The following FBXW4 variants were observed in gnomAD, a reference collection of about 807,000 sequenced individuals.
The protein encoded by FBXW4 is F-box and WD repeat domain containing 4.
FBXW4 carries 40 observed loss-of-function variants against 61.8 expected under a neutral mutation model. The ratio of observed to expected loss-of-function variants is 0.65; its 90% CI spans 0.50 to 0.84. FBXW4 has a LOEUF of 0.84. Among genes scored for constraint, FBXW4 ranks in the 40% least tolerant of loss-of-function variants. The pLI, the probability that FBXW4 is intolerant of heterozygous loss-of-function variation, is 0.00. For synonymous variants in FBXW4, 311 were observed against 313.8 expected, an observed-to-expected ratio of 0.99 and a Z score of 0.10; for missense variants, 672 against 753.8, an observed-to-expected ratio of 0.89 and a Z score of 1.27.
At chr10:101,678,425 TTTTG>T (rs1456867505) in intron 1 of FBXW4, among the ~76,000 whole-genome samples, 1 of 152,124 alleles carries the variant, frequency 6.6e-6, no homozygotes, top group African/African-American at 2.4e-5. Context: ...CTAATTTCTT[TTTTG>T]TTTGTTTGTT....
chr10:101,684,225 G>A (rs1321924132), intron 1 of FBXW4, among the ~76,000 whole-genome samples: 2 of 152,200 alleles, frequency 1.3e-5, no homozygotes, highest in Middle Eastern at 3.2e-3. Context: ...CCAGGTTCAC[G>A]CCATTCTCCT....
At chr10:101,667,534 C>T (rs1400544939) in intron 5 of FBXW4, among the ~76,000 whole-genome samples, 1 of 152,064 alleles carries the variant, frequency 6.6e-6, no homozygotes, top group African/African-American at 2.4e-5. Flanking sequence ...CTGTCACCTC[C>T]GAGAGGTGGT....
intron 1 of FBXW4, among the ~76,000 whole-genome samples, chr10:101,687,825 A>G (rs934913944): frequency 1.3e-5 from 2 of 152,196 alleles, no homozygotes; most frequent in African/African-American, 4.8e-5. Flanking sequence ...ATGCTCTTCA[A>G]TTCTGTCTAA....
At chr10:101,627,344 A>G (rs1038150073) in intron 5 of FBXW4, among the ~76,000 whole-genome samples, 1 of 152,192 alleles carries the variant, frequency 6.6e-6, no homozygotes, top group African/African-American at 2.4e-5. Context: ...AGGACTTAAG[A>G]GTTTAATCAA....
chr10:101,653,742 G>C lies in FBXW4; in HGVS notation c.1235+14144C>G, dbSNP rs575022036. On this transcript the variant is annotated intron_variant, in intron 5 of 8. Coordinates refer to ENST00000331272, the MANE Select transcript of FBXW4 (RefSeq NM_022039.4). ...CATTGTTTCCGCAATTGCACTATAA[G>C]CTCCTACACGGTAAAAACAAACAGT... 7.2e-5 allele frequency among the ~76,000 whole-genome samples: 11 copies of C among 152,206 alleles called. 2 individuals are homozygous for C. In the Middle Eastern group the frequency reaches 0.034, roughly 471 times the overall value.
At chr10:101,661,560 C>A (rs1341283676) in intron 5 of FBXW4, among the ~76,000 whole-genome samples, 1 of 152,130 alleles carries the variant, frequency 6.6e-6, no homozygotes, top group East Asian at 1.9e-4. Context: ...AACCAGTGGG[C>A]CCACCTAGAA....
intron 6 of FBXW4, among the ~76,000 whole-genome samples, chr10:101,618,919 G>GC (rs1377132737): frequency 6.6e-6 from 1 of 152,068 alleles, no homozygotes; most frequent in African/African-American, 2.4e-5. Flanking sequence ...GCAAGAGGAA[G>GC]CCCATGGAGG....
chr10:101,676,215 T>C, intron 2 of FBXW4, 126 bp downstream of exon 2: 2 of 594,704 alleles, frequency 3.4e-6, no homozygotes, highest in Non-Finnish European at 5.8e-6. Flanking sequence ...TTTGTGTTAT[T>C]CAAAGGCTCA....
At chr10:101,660,342 G>GGGGGGGGC in intron 5 of FBXW4, 1 of 122,392 alleles carries the variant, frequency 8.2e-6, no homozygotes, top group Non-Finnish European at 1.7e-5. Context: ...GGGGGGGTGG[G>GGGGGGGGC]TGCTGCATGT....
chr10:101,659,570 T>C (rs921202544), intron 5 of FBXW4: 2 of 304,706 alleles, frequency 6.6e-6, no homozygotes, highest in Non-Finnish European at 9.6e-6. Context: ...ATTCTTGTCA[T>C]CTACAGATCA....
chr10:101,658,601 T>A (rs2064213603), intron 5 of FBXW4, among the ~76,000 whole-genome samples: 1 of 152,074 alleles, frequency 6.6e-6, no homozygotes, highest in Non-Finnish European at 1.5e-5. Context: ...TAAGACTTGA[T>A]TCTAGATACT....
chr10:101,683,272 C>CTAAAAAAATGATTAG (rs2064498015), intron 1 of FBXW4, among the ~76,000 whole-genome samples: 3 of 152,218 alleles, frequency 2.0e-5, no homozygotes, highest in Admixed American at 6.5e-5. Flanking sequence ...GATTAGTGCC[C>CTAAAAAAATGATTAG]TGTAAATAAA....
chr10:101,630,821 GA>G (rs938696900), intron 5 of FBXW4, among the ~76,000 whole-genome samples: 7 of 152,176 alleles, frequency 4.6e-5, no homozygotes, highest in Non-Finnish European at 8.8e-5. Flanking sequence ...ATGGGAAGGG[GA>G]AAAAAACAGG....
rs992920529 is a variant in FBXW4 at position 101,625,044 on chromosome 10, G to T, written c.1236-234C>A. On this transcript the variant is annotated intron_variant, in intron 5 of 8. Transcript: ENST00000331272. ...AGACCCACGAGCTCAGCCACAGCTGGGCCTGCTGCACAGACTAGGTTGAGT... is the reference window on the plus strand; with the variant it reads ...AGACCCACGAGCTCAGCCACAGCTGTGCCTGCTGCACAGACTAGGTTGAGT... 3.4e-5 allele frequency: 20 copies of T among 589,780 alleles called. No homozygotes were observed. The African/African-American group carries it at 3.5e-4, about 10-fold the overall frequency. 36.5% of individuals were successfully genotyped at this position (589,780 alleles called of 1,614,324 possible). A position where few individuals can be genotyped will look rare whatever the true frequency, so the allele number is the denominator to read the frequency against.
At position 101,672,918 on chromosome 10, in the gene FBXW4, G is replaced by C; in HGVS notation, c.1137C>G (p.Ala379=). ...TGTAAGGGGGAGACCACCTCACCTT[G>C]GCCGTCCTGTCCCTGGAGCCACTCA... ...IIVSGSRDRT[A]KVWPLASGRL... is the part of the protein sequence containing the mutation. Residue 379 remains alanine, a synonymous_variant, in exon 4 of 9, where the codon GCC becomes GCG. Coordinates refer to ENST00000331272, the MANE Select transcript of FBXW4 (RefSeq NM_022039.4). 1 of 1,613,932 alleles carries C rather than the reference G, an allele frequency of 6.2e-7. No homozygotes were observed. Among genetic ancestry groups the C allele is most frequent in the Non-Finnish European group, 8.5e-7 (1 of 1,179,964 alleles).
chr10:101,687,361 C>T (rs372689468), intron 1 of FBXW4, among the ~76,000 whole-genome samples: 2 of 152,146 alleles, frequency 1.3e-5, no homozygotes, highest in East Asian at 3.9e-4. Flanking sequence ...CCCTTCCAAC[C>T]CACACAGCCA....
At chr10:101,641,447 T>C (rs1281004772) in intron 5 of FBXW4, among the ~76,000 whole-genome samples, 1 of 152,200 alleles carries the variant, frequency 6.6e-6, no homozygotes, top group Non-Finnish European at 1.5e-5. Flanking sequence ...TTACAACTTC[T>C]TTTATCTCTT....
chr10:101,632,345 A>G (rs1036834498), intron 5 of FBXW4, among the ~76,000 whole-genome samples: 5 of 152,008 alleles, frequency 3.3e-5, no homozygotes, highest in Non-Finnish European at 5.9e-5. Context: ...CTGCCCCCCA[A>G]CTGCAACTCC....
rs2063794479 is a variant in FBXW4, at chr10:101,612,370, T to A, written c.1409A>T (p.Tyr470Phe). Residue 470 changes from tyrosine (Y) to phenylalanine (F), a missense_variant, in exon 7 of 9, where the codon TAT (tyrosine) becomes TTT (phenylalanine). Physicochemically the swap from Tyr to Phe is conservative, Grantham distance 22 (BLOSUM62 3). Coordinates refer to ENST00000331272, the MANE Select transcript of FBXW4 (RefSeq NM_022039.4). ...FTLLSCGYDT[Y>F]VRYWDLRTSV... Reference sequence around the variant, plus strand: ...GGTGCGGAGGTCCCAGTAGCGAACATAGGTGTCATAGCCACAGGACAGCAG... The same window carrying A: ...GGTGCGGAGGTCCCAGTAGCGAACAAAGGTGTCATAGCCACAGGACAGCAG... 8 of 1,593,126 alleles carry A rather than the reference T, an allele frequency of 5.0e-6. No individual in the cohort carries two copies. In the African/African-American group the frequency reaches 9.4e-5, roughly 19 times the overall value.
Sources: gnomAD v4.1 joint callset for allele counts (sites outside exome capture counted in the v4.1 genomes callset) on GRCh38, gnomAD v4.1.1 for gene constraint, MANE v1.5 for transcripts, NCBI Gene and HGNC (gene_info 2026-07-23, HGNC 2026-07-21) for gene names.